The following EYA4 variants were observed in gnomAD, a reference collection of about 807,000 sequenced individuals.
EYA4 encodes protein phosphatase EYA4.
EYA4 carries 31 observed loss-of-function variants against 87.9 expected under a neutral mutation model. The ratio of observed to expected loss-of-function variants is 0.35; its 90% CI spans 0.27 to 0.48. EYA4 has a LOEUF of 0.48. Among genes scored for constraint, EYA4 ranks in the 20% least tolerant of loss-of-function variants. The pLI is 0.99. For synonymous variants in EYA4, 263 were observed against 270.6 expected (o/e 0.97, Z 0.28); for missense variants, 678 against 761.4 (o/e 0.89, Z 1.29).
chr6:133,349,021 A>G (rs1401875448), intron 2 of EYA4, among the ~76,000 whole-genome samples: 1 of 152,130 alleles, frequency 6.6e-6, no homozygotes, highest in African/African-American at 2.4e-5. Flanking sequence ...TCTCCTCCTC[A>G]GTTAATTCAC....
intron 17 of EYA4, 84 bp downstream of exon 17, chr6:133,515,519 CTAGACTGTTT>C: frequency 2.2e-6 from 2 of 920,006 alleles, no homozygotes; most frequent in Non-Finnish European, 3.6e-6. Context: ...GTTTTAATTC[CTAGACTGTTT>C]TAGACTTTAA....
chr6:133,246,098 T>C (rs1249919606), intron 1 of EYA4, among the ~76,000 whole-genome samples: 1 of 152,234 alleles, frequency 6.6e-6, no homozygotes, highest in Non-Finnish European at 1.5e-5. Context: ...TATATAGTGA[T>C]TTGAGACAGT....
At chr6:133,255,849 A>G (rs866125420) in intron 1 of EYA4, among the ~76,000 whole-genome samples, 5 of 151,974 alleles carry the variant, frequency 3.3e-5, no homozygotes, top group African/African-American at 9.7e-5. Context: ...TATTTTTACT[A>G]TTACTAAGTA....
chr6:133,425,864 C>T (rs1790626405), intron 3 of EYA4, among the ~76,000 whole-genome samples: 1 of 150,750 alleles, frequency 6.6e-6, no homozygotes, highest in African/African-American at 2.5e-5. Flanking sequence ...TCCTCATTGC[C>T]TGTAGGCTAA....
At chr6:133,386,785 A>G in intron 3 of EYA4, among the ~76,000 whole-genome samples, 1 of 152,178 alleles carries the variant, frequency 6.6e-6, no homozygotes, top group East Asian at 1.9e-4. Context: ...GAATATAGTA[A>G]GGAGATCTAA....
At chr6:133,317,781 C>T (rs1780740380) in intron 2 of EYA4, among the ~76,000 whole-genome samples, 1 of 151,936 alleles carries the variant, frequency 6.6e-6, no homozygotes, top group South Asian at 2.1e-4. Flanking sequence ...AATCATCTCC[C>T]CTTTTGTCCA....
intron 6 of EYA4, among the ~76,000 whole-genome samples, chr6:133,459,136 A>G (rs1794157612): frequency 6.6e-6 from 1 of 152,226 alleles, no homozygotes; most frequent in African/African-American, 2.4e-5. Context: ...GAATTAGAAC[A>G]AAATGTATAT....
At chr6:133,379,847 A>G (rs1786029639) in intron 2 of EYA4, among the ~76,000 whole-genome samples, 1 of 151,976 alleles carries the variant, frequency 6.6e-6, no homozygotes, top group African/African-American at 2.4e-5. Context: ...CCCTCACCTC[A>G]TCCCCCTTCC....
chr6:133,367,234 G>T (rs1324001375), intron 2 of EYA4, among the ~76,000 whole-genome samples: 1 of 152,122 alleles, frequency 6.6e-6, no homozygotes, highest in Non-Finnish European at 1.5e-5. Flanking sequence ...GACTTTTTGT[G>T]ATTCTTGCTG....
intron 2 of EYA4, among the ~76,000 whole-genome samples, chr6:133,299,309 A>G (rs984502938): frequency 6.6e-6 from 1 of 152,160 alleles, no homozygotes. Flanking sequence ...GAAATTTAAT[A>G]TATGTTAAAA....
At chr6:133,424,667 C>T (rs1306290991) in intron 3 of EYA4, among the ~76,000 whole-genome samples, 1 of 142,252 alleles carries the variant, frequency 7.0e-6, no homozygotes, top group Non-Finnish European at 1.5e-5. Flanking sequence ...CTACTTGTCC[C>T]CAGCTCCTGC....
intron 3 of EYA4, among the ~76,000 whole-genome samples, chr6:133,418,905 CT>C (rs1386740334): frequency 5.3e-5 from 8 of 152,064 alleles, no homozygotes; most frequent in African/African-American, 1.9e-4. Flanking sequence ...CTTACATGGC[CT>C]TCTGTTCCTT....
chr6:133,401,917 TCA>T (rs2128516712), intron 3 of EYA4, among the ~76,000 whole-genome samples: 1 of 152,264 alleles, frequency 6.6e-6, no homozygotes, highest in East Asian at 1.9e-4. Flanking sequence ...ATTTTAGTAG[TCA>T]CAGGGAAAAG....
At chr6:133,511,234 C>T (rs1799107403) in intron 14 of EYA4, among the ~76,000 whole-genome samples, 2 of 152,046 alleles carry the variant, frequency 1.3e-5, no homozygotes, top group Admixed American at 6.6e-5. Context: ...ATTTGACTGC[C>T]AGATACTTTC....
In EYA4 at chr6:133,406,937, A is replaced by G. The variant is rs571672279; in HGVS notation, c.83+24496A>G. Reference sequence around the variant, plus strand: ...AGCTGAATAGAAAAATAATGTGTATATAGCATTTGTTTTTCTAGAATAAAG... The same window carrying G: ...AGCTGAATAGAAAAATAATGTGTATGTAGCATTTGTTTTTCTAGAATAAAG... On this transcript the variant is annotated intron_variant, in intron 3 of 19. Transcript: ENST00000355286. Among the ~76,000 whole-genome samples the G allele has an allele frequency of 9.9e-5, 15 of 152,282 alleles. No individual in the cohort carries two copies. In the South Asian group the frequency reaches 2.7e-3, roughly 27 times the overall value.
At chr6:133,493,798 T>C (rs1444459083) in intron 13 of EYA4, among the ~76,000 whole-genome samples, 1 of 152,194 alleles carries the variant, frequency 6.6e-6, no homozygotes, top group African/African-American at 2.4e-5. Context: ...TAGATATTTC[T>C]CAGAAGACAT....
At chr6:133,398,679 A>G (rs887644695) in intron 3 of EYA4, among the ~76,000 whole-genome samples, 7 of 152,102 alleles carry the variant, frequency 4.6e-5, no homozygotes, top group African/African-American at 1.7e-4. Flanking sequence ...AAACTTTGAG[A>G]AGACTCTAAG....
chr6:133,271,477 G>T (rs544076428), intron 1 of EYA4, among the ~76,000 whole-genome samples: 2 of 152,194 alleles, frequency 1.3e-5, no homozygotes, highest in Non-Finnish European at 2.9e-5. Context: ...GAAGCATTGC[G>T]TGCAGAATAG....
rs1800818526 is a variant in EYA4, at chr6:133,528,605, T to G, written c.1840-120T>G. 3.7e-6 allele frequency: 3 copies of G among 816,186 alleles called. No homozygotes were observed. The South Asian group carries it at 4.0e-5, about 11-fold the overall frequency. 50.6% of individuals were successfully genotyped at this position (816,186 alleles called of 1,614,324 possible). ...CGCCTTTAAACTCTCTCCCCTGAAC[T>G]TGGGTGGACCACACATCCCTGTGTG... On this transcript the variant is annotated intron_variant, in intron 19 of 19. Transcript: ENST00000355286.
Sources: gnomAD v4.1 joint callset for allele counts (sites outside exome capture counted in the v4.1 genomes callset) on GRCh38, gnomAD v4.1.1 for gene constraint, MANE v1.5 for transcripts, NCBI Gene and HGNC (gene_info 2026-07-23, HGNC 2026-07-21) for gene names.